The following TAF1 variants were observed in gnomAD, a reference collection of about 807,000 sequenced individuals.
TAF1 encodes the protein transcription initiation factor TFIID subunit 1.
Under a neutral mutation model 138.5 loss-of-function variants are expected in TAF1, and 2 were observed. That is an observed-to-expected ratio of 0.01 (90% CI 0.01 to 0.05). TAF1 has a LOEUF of 0.05. Among genes scored for constraint, TAF1 ranks in the 10% least tolerant of loss-of-function variants. The pLI, the probability that TAF1 is intolerant of heterozygous loss-of-function variation, is 1.00. For missense variants in TAF1, 709 were observed against 1,478.0 expected (o/e 0.48, Z 8.53); for synonymous variants, 437 against 503.2 (o/e 0.87, Z 1.76).
At chrX:71,457,592 C>T (rs1055751178) in intron 34 of TAF1, among the ~76,000 whole-genome samples, 36 of 112,064 alleles carry the variant, frequency 3.2e-4, no homozygotes, top group Non-Finnish European at 6.8e-4. Flanking sequence ...GAGTACCAGG[C>T]ATGGGTAAGG....
At chrX:71,455,120 G>C (rs970004525) in intron 34 of TAF1, 4 of 1,035,253 alleles carry the variant, frequency 3.9e-6, no homozygotes, top group Non-Finnish European at 5.2e-6. Flanking sequence ...GGGAATATCA[G>C]ATCCCTGACC....
chrX:71,442,928 C>T (rs1010587981), intron 32 of TAF1, among the ~76,000 whole-genome samples: 2 of 111,911 alleles, frequency 1.8e-5, no homozygotes, highest in Non-Finnish European at 3.8e-5. Context: ...GAATCCTTTC[C>T]CCATTTCTTG....
chrX:71,420,778 C>T (rs1315469806), intron 28 of TAF1, among the ~76,000 whole-genome samples: 3 of 112,846 alleles, frequency 2.7e-5, no homozygotes, highest in Admixed American at 9.3e-5. Context: ...AAGGCCAGGG[C>T]GGCTCCTCTT....
chrX:71,375,094 G>A, intron 3 of TAF1, 73 bp from the exon 4 acceptor site: 3 of 1,074,222 alleles, frequency 2.8e-6, no homozygotes, highest in Non-Finnish European at 3.7e-6. Flanking sequence ...AAAAAAAATT[G>A]AGTGGCAAGG....
intron 13 of TAF1, chrX:71,528,158 A>C (rs1023104781): frequency 3.9e-5 from 8 of 203,624 alleles, no homozygotes; most frequent in African/African-American, 2.1e-4. Flanking sequence ...CAAAAGCTTG[A>C]GCTTGAAAGA....
intron 13 of TAF1, among the ~76,000 whole-genome samples, chrX:71,495,597 C>G (rs1204750781): frequency 3.6e-5 from 4 of 112,116 alleles, no homozygotes; most frequent in Non-Finnish European, 5.6e-5. Flanking sequence ...GAGGTCTAGG[C>G]CTCGACAGTT....
Position 71,394,263 on chromosome X carries a change from A to C in TAF1, c.3406+18A>C. On this transcript the variant is annotated intron_variant, in intron 22 of 37. Transcript: ENST00000423759. ...GCTACTGGGTGAGGATCTTGGCTTC[A>C]CAGACAGATAAAAAAGAGAAGGGTT... The C allele has an allele frequency of 8.5e-7, 1 of 1,178,009 alleles. No homozygotes were observed. Among genetic ancestry groups the C allele is most frequent in the Non-Finnish European group, 1.1e-6 (1 of 879,856 alleles).
intron 3 of TAF1, among the ~76,000 whole-genome samples, chrX:71,373,411 G>C (rs756539063): frequency 9.4e-6 from 1 of 106,306 alleles, no homozygotes; most frequent in South Asian, 4.1e-4. Context: ...CAGGCAATCC[G>C]CTCGCCTCAG....
intron 35 of TAF1, chrX:71,459,119 C>A: frequency 9.8e-7 from 1 of 1,016,375 alleles, no homozygotes; most frequent in Non-Finnish European, 1.3e-6. Flanking sequence ...GCACGTCCCT[C>A]AATGATGTGC....
intron 32 of TAF1, among the ~76,000 whole-genome samples, chrX:71,433,570 G>A (rs28382198): frequency 9.0e-6 from 1 of 111,184 alleles, no homozygotes; most frequent in Non-Finnish European, 1.9e-5. Flanking sequence ...AGTGTTGCTA[G>A]ATAACTGAAT....
intron 36 of TAF1, among the ~76,000 whole-genome samples, chrX:71,460,068 G>C (rs1053245820): frequency 4.5e-5 from 5 of 111,592 alleles, no homozygotes; most frequent in Non-Finnish European, 9.4e-5. Flanking sequence ...GCGAGACCCT[G>C]TCTCTACAAA....
chrX:71,486,078 C>T (rs2039165822), intron 13 of TAF1, among the ~76,000 whole-genome samples: 1 of 109,839 alleles, frequency 9.1e-6, no homozygotes, highest in Non-Finnish European at 1.9e-5. Flanking sequence ...TGGGTTCAAG[C>T]GATTCTCGTG....
chrX:71,398,392 AGT>A lies in TAF1; in HGVS notation c.3621-179_3621-178del, dbSNP rs199920407. Among the ~76,000 whole-genome samples, 824 of 111,117 alleles carry A rather than the reference AGT, an allele frequency of 7.4e-3. 10 individuals are homozygous for A. The highest frequency in any genetic ancestry group is 0.026 in the African/African-American group (782 of 30,638). On this transcript the variant is annotated intron_variant, in intron 23 of 37. Transcript: ENST00000423759. ...GATTACTCAGGACTTATTCTAAGAG[AGT>A]TACCTCTGCAAATGGAGGGCTGACT... is the stretch of plus-strand genomic sequence containing the variant.
At chrX:71,438,395 G>A (rs1362247226) in intron 32 of TAF1, among the ~76,000 whole-genome samples, 2 of 111,305 alleles carry the variant, frequency 1.8e-5, no homozygotes, top group Non-Finnish European at 3.8e-5. Flanking sequence ...TTTGTGTCTG[G>A]TTTGTTTTAC....
chrX:71,379,105 A>ATTT lies in TAF1; in HGVS notation c.1360+95_1360+97dup, dbSNP rs916740866. The ATTT allele has an allele frequency of 9.1e-4, 440 of 484,526 alleles. 3 individuals carry two copies. The highest frequency in any genetic ancestry group is 1.3e-3 in the Admixed American group (21 of 16,167). 39.9% of individuals were successfully genotyped at this position (484,526 alleles called of 1,213,427 possible). On this transcript the variant is annotated intron_variant, in intron 8 of 37. Transcript: ENST00000423759. The stretch of plus-strand genomic sequence containing the variant: ...GTCACCATAAGTGGGCTCAGCTGTG[A>ATTT]TTTTTTTTTTTTTTTTTTTTTTTCG...
chrX:71,474,601 C>CT (rs1182331313), intron 13 of TAF1, among the ~76,000 whole-genome samples: 1 of 112,120 alleles, frequency 8.9e-6, no homozygotes, highest in Non-Finnish European at 1.9e-5. Context: ...GTTCTAGGCT[C>CT]TGGCAGTATA....
intron 8 of TAF1, 30 bp downstream of exon 8, chrX:71,379,061 G>A: frequency 9.0e-7 from 1 of 1,106,908 alleles, no homozygotes; most frequent in Non-Finnish European, 1.2e-6. Context: ...GTGTCTAGCA[G>A]ATACTGCCCT....
intron 25 of TAF1, among the ~76,000 whole-genome samples, chrX:71,403,036 C>CT (rs1288966658): frequency 1.5e-3 from 158 of 105,432 alleles, no homozygotes; most frequent in African/African-American, 1.8e-3. Flanking sequence ...TCTTTTCTTT[C>CT]TTTTTTTTTT....
At chrX:71,450,206 CT>C (rs759599443) in intron 32 of TAF1, among the ~76,000 whole-genome samples, 135 of 97,038 alleles carry the variant, frequency 1.4e-3, no homozygotes, top group Admixed American at 1.7e-3. Flanking sequence ...CTGGAAGAGA[CT>C]TTTTTTTTTT....
Sources: allele counts gnomAD v4.1 joint callset (sites outside exome capture counted in the v4.1 genomes callset), GRCh38; gene constraint gnomAD v4.1.1; transcripts MANE v1.5; gene names NCBI Gene and HGNC (gene_info 2026-07-23, HGNC 2026-07-21).